The following NAA11 variants were observed in gnomAD, a reference collection of about 807,000 sequenced individuals.
The protein encoded by NAA11 is N-alpha-acetyltransferase 11, NatA catalytic subunit.
In NAA11, 15 loss-of-function variants were observed where a neutral mutation model predicts 16.1. The ratio of observed to expected loss-of-function variants is 0.93; its 90% CI spans 0.62 to 1.44. The LOEUF is 1.44. NAA11 is among the 40% of genes most tolerant of loss of function. The probability of loss-of-function intolerance (pLI) is 0.00; values close to 1 mark genes in which losing one functional copy is unlikely to be tolerated. For missense variants in NAA11, 298 were observed against 291.3 expected, an observed-to-expected ratio of 1.02 and a Z score of -0.17; for synonymous variants, 122 against 112.4, an observed-to-expected ratio of 1.09 and a Z score of -0.54.
At chr4:79,167,270 T>TATATAGAG in the NAA11 span, among the ~76,000 whole-genome samples, 103 of 98,476 alleles carry the variant, frequency 1.0e-3, 3 homozygotes, top group Middle Eastern at 5.2e-3. Flanking sequence ...TATATATATA[T>TATATAGAG]AGAGAGAGAG....
chr4:79,228,730 T>C (rs774296637), intron 2 of NAA11, among the ~76,000 whole-genome samples: 1 of 152,028 alleles, frequency 6.6e-6, no homozygotes, highest in African/African-American at 2.4e-5. Context: ...ATTTGGTTTG[T>C]ATTTAGTTTT....
chr4:79,320,123 C>A (rs1039109380), intron 1 of NAA11, among the ~76,000 whole-genome samples: 1 of 152,164 alleles, frequency 6.6e-6, no homozygotes, highest in Non-Finnish European at 1.5e-5. Context: ...TGATGACATT[C>A]CTGCCTCAAC....
chr4:79,325,758 C>T lies in NAA11; in HGVS notation c.120G>A (p.Gln40=). 1.2e-6 allele frequency: 2 copies of T among 1,614,212 alleles called. No homozygotes were observed. The highest frequency in any genetic ancestry group is 2.2e-5 in the South Asian group (2 of 91,086). The change falls in exon 1 of 2, where the codon CAG becomes CAA. Residue 40 remains glutamine, a synonymous_variant. Transcript: ENST00000286794. ...CCTCATCCTCAGCGATGTAAGAAAG[C>T]TGGGGCCAGGAAAGGCCATGATATA... ...YYLYHGLSWP[Q]LSYIAEDEDG... is the part of the protein sequence containing the mutation.
At chr4:79,323,679 G>C (rs1227861517) in intron 1 of NAA11, among the ~76,000 whole-genome samples, 1 of 152,168 alleles carries the variant, frequency 6.6e-6, no homozygotes, top group Non-Finnish European at 1.5e-5. Context: ...AAATTAGCCA[G>C]GCGTGGTGGC....
At chr4:79,278,161 C>T (rs1177577302) in intron 2 of NAA11, among the ~76,000 whole-genome samples, 3 of 151,972 alleles carry the variant, frequency 2.0e-5, no homozygotes, top group Non-Finnish European at 4.4e-5. Flanking sequence ...CTTCTTTCCT[C>T]TCCACTGCCT....
At chr4:79,318,022 C>T (rs1723978088) in intron 1 of NAA11, among the ~76,000 whole-genome samples, 1 of 152,134 alleles carries the variant, frequency 6.6e-6, no homozygotes, top group Non-Finnish European at 1.5e-5. Flanking sequence ...AACACATGAA[C>T]CTTTCCTGAC....
the NAA11 span, among the ~76,000 whole-genome samples, chr4:79,191,861 C>T: frequency 3.5e-4 from 53 of 152,054 alleles, no homozygotes; most frequent in East Asian, 3.7e-3. Flanking sequence ...TTATTGTATA[C>T]GGTGTAAGAG....
the NAA11 span, among the ~76,000 whole-genome samples, chr4:79,189,706 C>T: frequency 1.3e-5 from 2 of 152,316 alleles, no homozygotes; most frequent in South Asian, 2.1e-4. Context: ...TCCTGTGTCA[C>T]ATTGCCATCC....
intron 2 of NAA11, among the ~76,000 whole-genome samples, chr4:79,244,022 T>C (rs1721751079): frequency 6.6e-6 from 1 of 152,188 alleles, no homozygotes; most frequent in African/African-American, 2.4e-5. Flanking sequence ...TCTTCCTTTT[T>C]CCAATGGAGT....
At chr4:79,179,087 CA>C in the NAA11 span, among the ~76,000 whole-genome samples, 1 of 152,166 alleles carries the variant, frequency 6.6e-6, no homozygotes, top group Non-Finnish European at 1.5e-5. Context: ...AAAGGTTTAT[CA>C]AAAGGACAGG....
At chr4:79,185,651 C>G in the NAA11 span, among the ~76,000 whole-genome samples, 1 of 152,164 alleles carries the variant, frequency 6.6e-6, no homozygotes, top group Admixed American at 6.5e-5. Context: ...AAAAGTCTCT[C>G]ATTTTGTAGA....
the NAA11 span, among the ~76,000 whole-genome samples, chr4:79,181,068 C>T: frequency 7.9e-5 from 12 of 151,374 alleles, no homozygotes; most frequent in South Asian, 2.1e-4. Flanking sequence ...CATCACACAC[C>T]GGGGCGTGTT....
the NAA11 span, among the ~76,000 whole-genome samples, chr4:79,180,995 C>T: frequency 6.6e-5 from 10 of 152,084 alleles, no homozygotes; most frequent in Admixed American, 5.9e-4. Flanking sequence ...AAACCAAACA[C>T]CGCATGTTCT....
At chr4:79,167,132 T>TTATATATATATATATATATA in the NAA11 span, among the ~76,000 whole-genome samples, 463 of 17,118 alleles carry the variant, frequency 0.027, 83 homozygotes, top group Non-Finnish European at 0.041. Context: ...ACAGCTTATT[T>TTATATATATATATATATATA]TATATATATA....
chr4:79,264,628 T>C (rs1262850437), intron 2 of NAA11, among the ~76,000 whole-genome samples: 3 of 152,190 alleles, frequency 2.0e-5, no homozygotes, highest in African/African-American at 4.8e-5. Context: ...TACTTCTTTA[T>C]CTCAGCATTT....
At chr4:79,240,275 C>G (rs1215379065) in intron 2 of NAA11, among the ~76,000 whole-genome samples, 1 of 152,152 alleles carries the variant, frequency 6.6e-6, no homozygotes, top group Non-Finnish European at 1.5e-5. Context: ...ACCACATCCC[C>G]CATCACTCAG....
intron 1 of NAA11, among the ~76,000 whole-genome samples, chr4:79,318,671 A>G (rs1724001883): frequency 6.6e-6 from 1 of 152,242 alleles, no homozygotes; most frequent in African/African-American, 2.4e-5. Flanking sequence ...TATATTTGCT[A>G]TAACAAAAGA....
At chr4:79,314,641 TAAAAAAAAAA>T (rs375245497), downstream of NAA11, among the ~76,000 whole-genome samples, 1 of 98,048 alleles carries the variant, frequency 1.0e-5, no homozygotes, top group East Asian at 3.4e-4. Context: ...TCCTTAAAAT[TAAAAAAAAAA>T]AAAAAAAAAA....
the NAA11 span, among the ~76,000 whole-genome samples, chr4:79,184,236 T>C: frequency 6.6e-6 from 1 of 152,228 alleles, no homozygotes; most frequent in African/African-American, 2.4e-5. Flanking sequence ...AACCTTGTAA[T>C]GATTTCTTCA....
Sources: gnomAD v4.1 joint callset for allele counts (sites outside exome capture counted in the v4.1 genomes callset) on GRCh38, gnomAD v4.1.1 for gene constraint, MANE v1.5 for transcripts, NCBI Gene and HGNC (gene_info 2026-07-23, HGNC 2026-07-21) for gene names.